TRPC4: variants seen among roughly 807,000 people sequenced by gnomAD.
The protein encoded by TRPC4 is transient receptor potential cation channel subfamily C member 4, also known as short transient receptor potential channel 4.
In TRPC4, 49 loss-of-function variants were observed where a neutral mutation model predicts 99.4. The observed-to-expected ratio is 0.49, with a 90% CI of 0.39 to 0.63. The LOEUF (loss-of-function observed/expected upper bound fraction) is 0.63, where lower values mean the gene tolerates loss of function less well. Among genes scored for constraint, TRPC4 ranks in the 20% least tolerant of loss-of-function variants. The pLI is 0.00. For synonymous variants in TRPC4, 454 were observed against 425.9 expected (o/e 1.07, Z -0.81); for missense variants, 898 against 1,152.9 (o/e 0.78, Z 3.20).
intron 1 of TRPC4, among the ~76,000 whole-genome samples, chr13:37,808,728 G>A (rs1240998077): frequency 6.6e-6 from 1 of 151,998 alleles, no homozygotes; most frequent in Non-Finnish European, 1.5e-5. Flanking sequence ...GATCAGCCAA[G>A]GTTACTCTAT....
At chr13:37,762,110 G>T (rs1021746111) in intron 2 of TRPC4, among the ~76,000 whole-genome samples, 4 of 151,914 alleles carry the variant, frequency 2.6e-5, no homozygotes, top group East Asian at 1.9e-4. Flanking sequence ...GAACTTGAGG[G>T]TTATTATCAC....
intron 3 of TRPC4, among the ~76,000 whole-genome samples, chr13:37,733,118 C>A (rs1955289245): frequency 1.3e-5 from 2 of 152,030 alleles, no homozygotes; most frequent in Admixed American, 1.3e-4. Flanking sequence ...ACAAAAGATT[C>A]AAAAATTAGC....
At chr13:37,739,995 G>A (rs1016044433) in intron 3 of TRPC4, among the ~76,000 whole-genome samples, 7 of 152,252 alleles carry the variant, frequency 4.6e-5, no homozygotes, top group Non-Finnish European at 1.0e-4. Context: ...ACAATGGTCA[G>A]CTATGCCGTC....
At chr13:37,855,041 T>C (rs1399051614) in intron 1 of TRPC4, 2 of 151,866 alleles carry the variant, frequency 1.3e-5, no homozygotes, top group Non-Finnish European at 2.9e-5. Context: ...AGACACAGTA[T>C]GGCTGAATGG....
chr13:37,693,575 A>G (rs947305967), intron 3 of TRPC4, among the ~76,000 whole-genome samples: 17 of 152,316 alleles, frequency 1.1e-4, no homozygotes, highest in African/African-American at 3.6e-4. Flanking sequence ...CCTTGAAGCA[A>G]GACTTTTTCC....
At chr13:37,783,421 A>G (rs1956894886) in intron 1 of TRPC4, 61 bp from the exon 2 acceptor site, 1 of 1,333,790 alleles carries the variant, frequency 7.5e-7, no homozygotes, top group Non-Finnish European at 9.9e-7. Flanking sequence ...ATTGTTAAGC[A>G]TCATACTTCT....
intron 1 of TRPC4, among the ~76,000 whole-genome samples, chr13:37,859,158 G>A (rs1959201658): frequency 6.6e-6 from 1 of 151,158 alleles, no homozygotes; most frequent in Non-Finnish European, 1.5e-5. Context: ...TTCATAAATG[G>A]GAAGAGAGCT....
In TRPC4 at chr13:37,764,629, G is replaced by A. The variant is rs146211812; in HGVS notation, c.379-18174C>T. On this transcript the variant is annotated intron_variant, in intron 2 of 10. Transcript: ENST00000379705. ...GTAATAATGAGAAAGCTCATTTTAC[G>A]GATATTAACATGAATGTTTTTAATA... is the stretch of plus-strand genomic sequence containing the variant. Among the ~76,000 whole-genome samples the A allele has an allele frequency of 8.9e-3, 1,348 of 151,272 alleles. 22 individuals carry two copies. Among genetic ancestry groups the A allele is most frequent in the African/African-American group, 0.03 (1,243 of 41,412 alleles).
intron 4 of TRPC4, among the ~76,000 whole-genome samples, chr13:37,690,489 A>C (rs1266372909): frequency 6.6e-6 from 1 of 151,950 alleles, no homozygotes; most frequent in Non-Finnish European, 1.5e-5. Flanking sequence ...TAATTTTCAC[A>C]TTTTTAGTAG....
chr13:37,851,852 A>C (rs1959067191), intron 1 of TRPC4, among the ~76,000 whole-genome samples: 1 of 152,194 alleles, frequency 6.6e-6, no homozygotes, highest in Admixed American at 6.5e-5. Context: ...CAACAGGTGG[A>C]CATTACTTTG....
chr13:37,857,340 C>A (rs2139701528), intron 1 of TRPC4, among the ~76,000 whole-genome samples: 1 of 151,638 alleles, frequency 6.6e-6, no homozygotes, highest in East Asian at 1.9e-4. Flanking sequence ...AATGTTCATA[C>A]TACCCAAAGA....
At position 37,639,083 on chromosome 13, in the gene TRPC4, C is replaced by G. The variant is rs770913812; in HGVS notation, c.2168G>C (p.Arg723Thr). ...LVKRYVAAMI[R>T]DAKTEEGLTE... ...CAGGCCTTCTTCAGTTTTAGCATCT[C>G]TAATCATTGCAGCAACGTATCGCTT... is the stretch of plus-strand genomic sequence containing the variant. The change falls in exon 10 of 11, where the codon AGA becomes ACA. Residue 723 changes from arginine (R) to threonine (T), a missense_variant. Around this residue, in one of 3 missense-constraint regions of TRPC4, gnomAD observed 346 missense variants for 351.4 expected, o/e 0.98. Coordinates refer to ENST00000379705, the MANE Select transcript of TRPC4 (RefSeq NM_016179.4). 6.2e-6 allele frequency: 10 copies of G among 1,613,576 alleles called. No homozygotes were observed. In the East Asian group the frequency reaches 2.0e-4, roughly 32 times the overall value.
Position 37,690,990 on chromosome 13 carries a change from A to C in TRPC4, c.1234+1009T>G, listed in dbSNP as rs115460928. On this transcript the variant is annotated intron_variant, in intron 4 of 10. Coordinates refer to ENST00000379705, the MANE Select transcript of TRPC4 (RefSeq NM_016179.4). ...TAATGAGCTAAATTGAGAAAATGTG[A>C]TTTCTCAGCAAACCATAGTATGATA... 6.2e-3 allele frequency among the ~76,000 whole-genome samples: 947 copies of C among 152,332 alleles called. 12 individuals are homozygous for C. The highest frequency in any genetic ancestry group is 0.022 in the African/African-American group (912 of 41,560).
chr13:37,699,622 GCCC>G (rs1311310523), intron 3 of TRPC4, among the ~76,000 whole-genome samples: 1 of 152,132 alleles, frequency 6.6e-6, no homozygotes, highest in African/African-American at 2.4e-5. Flanking sequence ...AGACTCTCTT[GCCC>G]AACAAGTGTC....
chr13:37,851,080 G>T (rs1959040940), intron 1 of TRPC4, among the ~76,000 whole-genome samples: 1 of 152,186 alleles, frequency 6.6e-6, no homozygotes, highest in African/African-American at 2.4e-5. Context: ...TCTGGACTCT[G>T]CAGGAAGAAA....
At position 37,788,915 on chromosome 13, in the gene TRPC4, T is replaced by C. The variant is rs538840956; in HGVS notation, c.-27-5555A>G. 5.9e-5 allele frequency among the ~76,000 whole-genome samples: 9 copies of C among 152,246 alleles called. No homozygotes were observed. In the South Asian group the frequency reaches 1.9e-3, roughly 32 times the overall value. On this transcript the variant is annotated intron_variant, in intron 1 of 10. Transcript: ENST00000379705. Reference sequence around the variant, plus strand: ...TAATATTAACAATCATTTCTATGTCTTACTGGGAAGATTTCAACGGCTCAG... The same window carrying C: ...TAATATTAACAATCATTTCTATGTCCTACTGGGAAGATTTCAACGGCTCAG...
intron 1 of TRPC4, among the ~76,000 whole-genome samples, chr13:37,853,978 G>C (rs749422482): frequency 3.9e-5 from 6 of 152,068 alleles, no homozygotes; most frequent in Non-Finnish European, 8.8e-5. Flanking sequence ...GCCTTAAAGA[G>C]GAAGTAGAGA....
At chr13:37,861,439 T>A (rs2139719194) in intron 1 of TRPC4, among the ~76,000 whole-genome samples, 1 of 151,768 alleles carries the variant, frequency 6.6e-6, no homozygotes, top group Admixed American at 6.6e-5. Context: ...AGTACTTAAG[T>A]ATACCAGCAA....
In TRPC4 at chr13:37,819,631, G is replaced by A. The variant is rs889507803; in HGVS notation, c.-27-36271C>T. The stretch of plus-strand genomic sequence containing the variant: ...TGGGAGCCAAATGATAAGAACACAT[G>A]GGCACATAGAGGGGAACAACACATA... On this transcript the variant is annotated intron_variant, in intron 1 of 10. Transcript: ENST00000379705. Among the ~76,000 whole-genome samples the A allele has an allele frequency of 2.6e-5, 4 of 151,808 alleles. No individual in the cohort carries two copies. The East Asian group carries it at 5.8e-4, about 22-fold the overall frequency.
Sources: gnomAD v4.1 joint callset for allele counts (sites outside exome capture counted in the v4.1 genomes callset) on GRCh38, gnomAD v4.1.1 for gene constraint, gnomAD v4.1.1 regional missense constraint, MANE v1.5 for transcripts, NCBI Gene and HGNC (gene_info 2026-07-23, HGNC 2026-07-21) for gene names.